The following DRC11L variants were observed in gnomAD, a reference collection of about 807,000 sequenced individuals.
The protein encoded by DRC11L is dynein regulatory complex subunit 11 like.
chr7:151,192,282 G>A, the DRC11L span: 57 of 399,094 alleles, frequency 1.4e-4, no homozygotes, highest in Non-Finnish European at 2.2e-4. Flanking sequence ...TCACCATAGC[G>A]GGATGCGTAG....
chr7:151,200,149 C>G, the DRC11L span, among the ~76,000 whole-genome samples: 1 of 152,228 alleles, frequency 6.6e-6, no homozygotes, highest in African/African-American at 2.4e-5. Flanking sequence ...CCCTTCATGG[C>G]TCCACAGGTG....
At chr7:151,196,625 G>A in the DRC11L span, 1 of 399,400 alleles carries the variant, frequency 2.5e-6, no homozygotes, top group Non-Finnish European at 4.4e-6. Context: ...ATTCATGCGT[G>A]CACAAGCACA....
chr7:151,197,389 T>C, the DRC11L span: 1 of 398,858 alleles, frequency 2.5e-6, no homozygotes, highest in Non-Finnish European at 4.4e-6. Context: ...AAGAGAGCCC[T>C]GGGTTTTACA....
At chr7:151,191,377 G>T in the DRC11L span, among the ~76,000 whole-genome samples, 1 of 152,146 alleles carries the variant, frequency 6.6e-6, no homozygotes, top group Non-Finnish European at 1.5e-5. Context: ...GGTGGCAGCT[G>T]CTACCAGAAC....
the DRC11L span, chr7:151,197,707 C>T: frequency 6.2e-3 from 2,433 of 392,650 alleles, 58 homozygotes; most frequent in African/African-American, 0.045. Context: ...GCATTTCCCC[C>T]AGCCACCTCT....
the DRC11L span, chr7:151,192,570 G>A: frequency 2.0e-5 from 8 of 398,278 alleles, no homozygotes; most frequent in Non-Finnish European, 3.1e-5. Flanking sequence ...CTAGCGGGAT[G>A]AGGAGGCTGC....
the DRC11L span, chr7:151,197,798 T>C: frequency 7.6e-6 from 3 of 393,144 alleles, no homozygotes; most frequent in Non-Finnish European, 1.3e-5. Context: ...CAAAAAACCA[T>C]CTGCCCCACC....
At chr7:151,194,532 T>C in the DRC11L span, 1 of 399,332 alleles carries the variant, frequency 2.5e-6, no homozygotes, top group East Asian at 3.6e-5. Context: ...AGTCTTTCAA[T>C]GCTACTGACT....
chr7:151,199,004 C>T, the DRC11L span: 2 of 398,866 alleles, frequency 5.0e-6, no homozygotes, highest in African/African-American at 2.1e-5. The surrounding 1 kb of genome is among the most constrained non-coding windows in gnomAD (Gnocchi z 5.2). Flanking sequence ...GTGAGGGGAG[C>T]TGGGGGAGTG....
the DRC11L span, chr7:151,195,948 G>A: frequency 1.0e-4 from 30 of 295,078 alleles, no homozygotes; most frequent in Non-Finnish European, 1.7e-4. Context: ...AATTCAAACC[G>A]AAGATCCCCC....
chr7:151,196,744 G>A, the DRC11L span, among the ~76,000 whole-genome samples: 3 of 152,190 alleles, frequency 2.0e-5, no homozygotes, highest in Non-Finnish European at 4.4e-5. Context: ...TACCCAGACG[G>A]CAAATAGGCT....
chr7:151,199,594 C>G, the DRC11L span, among the ~76,000 whole-genome samples: 1 of 152,278 alleles, frequency 6.6e-6, no homozygotes, highest in African/African-American at 2.4e-5. The surrounding 1 kb of genome is among the most constrained non-coding windows in gnomAD (Gnocchi z 5.2). Flanking sequence ...CACTCCCACA[C>G]AGCAGCCCCT....
the DRC11L span, among the ~76,000 whole-genome samples, chr7:151,202,719 C>T: frequency 6.6e-6 from 1 of 152,166 alleles, no homozygotes; most frequent in Non-Finnish European, 1.5e-5. Flanking sequence ...GGCGTATTGT[C>T]AAAGGATTGT....
chr7:151,195,566 T>TC, the DRC11L span: 1 of 398,598 alleles, frequency 2.5e-6, no homozygotes, highest in African/African-American at 2.1e-5. Flanking sequence ...CCCCAGCCCC[T>TC]CATCTTGCCT....
At chr7:151,198,193 G>A in the DRC11L span, among the ~76,000 whole-genome samples, 2 of 151,012 alleles carry the variant, frequency 1.3e-5, no homozygotes, top group African/African-American at 4.9e-5. Context: ...TGGGGAGATG[G>A]AGAGGTGGGT....
chr7:151,193,178 T>C, the DRC11L span: 1 of 398,092 alleles, frequency 2.5e-6, no homozygotes, highest in Non-Finnish European at 4.4e-6. Flanking sequence ...CCTCACCAGT[T>C]CAGCACCTGA....
At chr7:151,203,057 C>T in the DRC11L span, 31 of 399,470 alleles carry the variant, frequency 7.8e-5, no homozygotes, top group Non-Finnish European at 1.0e-4. Context: ...GCCTTTTGCA[C>T]TAGAATTATG....
At chr7:151,201,593 T>G in the DRC11L span, among the ~76,000 whole-genome samples, 55 of 152,320 alleles carry the variant, frequency 3.6e-4, no homozygotes, top group African/African-American at 1.3e-3. This position sits in a 1 kb window ranked among gnomAD's most constrained non-coding sequence, Gnocchi z 4.1. Flanking sequence ...AGAATCACTA[T>G]TGTTTGTTAG....
chr7:151,196,104 G>A, the DRC11L span: 2 of 260,166 alleles, frequency 7.7e-6, no homozygotes, highest in African/African-American at 2.2e-5. Context: ...GCATGGGTGG[G>A]ACACGTCGTC....
Sources: allele counts gnomAD v4.1 joint callset (sites outside exome capture counted in the v4.1 genomes callset), GRCh38; gene constraint gnomAD v4.1.1; non-coding constraint Gnocchi (gnomAD v3.1); transcripts MANE v1.5; gene names NCBI Gene and HGNC (gene_info 2026-07-23, HGNC 2026-07-21).